PRKX: variants seen among roughly 807,000 people sequenced by gnomAD.
PRKX encodes cAMP-dependent protein kinase catalytic subunit PRKX.
A neutral mutation model predicts 22.0 loss-of-function variants in PRKX; 12 were observed. The observed-to-expected ratio is 0.54, with a 90% CI of 0.35 to 0.88. PRKX has a LOEUF of 0.88. Among genes scored for constraint, PRKX ranks in the 40% least tolerant of loss-of-function variants. The pLI is 0.01. For synonymous variants in PRKX, 134 were observed against 137.7 expected (o/e 0.97, Z 0.19); for missense variants, 217 against 308.0 (o/e 0.70, Z 2.21).
Position 3,607,606 on chromosome X carries a change from C to CT in PRKX, c.*1362dup, listed in dbSNP as rs1384384101. 1.8e-5 allele frequency: 2 copies of CT among 111,086 alleles called. No homozygotes were observed. Among genetic ancestry groups the CT allele is most frequent in the African/African-American group, 6.6e-5 (2 of 30,139 alleles). 9.2% of individuals were successfully genotyped at this position (111,086 alleles called of 1,213,427 possible). A position where few individuals can be genotyped will look rare whatever the true frequency, so the allele number is the denominator to read the frequency against. On this transcript the variant is annotated 3_prime_UTR_variant, in exon 9 of 9. Transcript: ENST00000262848. ...AATTATTCTCACCTACTGAGTTGAC[C>CT]TCCACGTGAAGAAAAGGTCACTGAT...
intron 4 of PRKX, among the ~76,000 whole-genome samples, chrX:3,631,819 G>C (rs1324474212): frequency 8.9e-6 from 1 of 112,723 alleles, no homozygotes; most frequent in African/African-American, 3.2e-5. Context: ...AGGCAGAAAG[G>C]ATCCTTCCCT....
intron 2 of PRKX, among the ~76,000 whole-genome samples, chrX:3,671,100 G>A (rs1338577133): frequency 1.8e-5 from 2 of 110,425 alleles, no homozygotes; most frequent in Admixed American, 9.7e-5. Flanking sequence ...GCAGTGGCAC[G>A]ATCTTGGCTC....
chrX:3,682,154 C>T (rs1928086037), intron 1 of PRKX, among the ~76,000 whole-genome samples: 1 of 110,312 alleles, frequency 9.1e-6, no homozygotes, highest in Non-Finnish European at 1.9e-5. Flanking sequence ...GGGAGAAGGA[C>T]CGTGTCTCAC....
chrX:3,650,520 CA>C (rs748871957), intron 3 of PRKX, among the ~76,000 whole-genome samples: 1 of 37,853 alleles, frequency 2.6e-5, no homozygotes. Context: ...GACTCCTCTC[CA>C]AAAAAAAAAA....
chrX:3,653,251 C>A (rs1177054579), intron 3 of PRKX, among the ~76,000 whole-genome samples: 1 of 110,073 alleles, frequency 9.1e-6, no homozygotes, highest in Non-Finnish European at 1.9e-5. Context: ...AGAGAGCCCC[C>A]TCGCCCCTTC....
chrX:3,658,297 T>C (rs1927523372), intron 2 of PRKX, among the ~76,000 whole-genome samples: 1 of 109,513 alleles, frequency 9.1e-6, no homozygotes, highest in Admixed American at 9.7e-5. Context: ...GGTCTGTTTG[T>C]TTCTGAAACA....
At chrX:3,659,729 G>T (rs112849294) in intron 2 of PRKX, among the ~76,000 whole-genome samples, 1,044 of 32,418 alleles carry the variant, frequency 0.032, 70 homozygotes, top group African/African-American at 0.074. Context: ...TTTTTTTTTT[G>T]TTTTTTTTTT....
intron 1 of PRKX, among the ~76,000 whole-genome samples, chrX:3,691,018 C>T (rs959199965): frequency 2.7e-5 from 3 of 111,339 alleles, no homozygotes; most frequent in Admixed American, 1.9e-4. Context: ...AAATCAGAGA[C>T]GGTAGAGACC....
At position 3,713,553 on chromosome X, in the gene PRKX, G is replaced by C. The variant is rs1928840340; in HGVS notation, c.-300C>G. The C allele has an allele frequency of 2.7e-5, 5 of 187,536 alleles. No homozygotes were observed. Among genetic ancestry groups the C allele is most frequent in the African/African-American group, 6.0e-5 (2 of 33,155 alleles). The allele number at this position is 187,536 out of a possible 1,213,427, so 15.5% of individuals were successfully genotyped here. A position where few individuals can be genotyped will look rare whatever the true frequency, so the allele number is the denominator to read the frequency against. On this transcript the variant is annotated 5_prime_UTR_variant, in exon 1 of 9. Coordinates refer to ENST00000262848, the MANE Select transcript of PRKX (RefSeq NM_005044.5). ...GGGGGCCGCGGCCCGGGCTGGGGGG[G>C]GCGAGGCGGGGGCCCTGCGCATTCC... is the stretch of plus-strand genomic sequence containing the variant.
intron 1 of PRKX, among the ~76,000 whole-genome samples, chrX:3,692,873 G>A (rs190693580): frequency 2.9e-4 from 32 of 111,668 alleles, no homozygotes; most frequent in Middle Eastern, 4.6e-3. Context: ...TGGCTTTAGA[G>A]TTCCTACCAC....
In PRKX at chrX:3,711,032, AT is replaced by A. The variant is rs746618357; in HGVS notation, c.166+2055del. Among the ~76,000 whole-genome samples the A allele has an allele frequency of 4.5e-5, 5 of 111,771 alleles. No individual in the cohort carries two copies. The South Asian group carries it at 1.9e-3, about 42-fold the overall frequency. On this transcript the variant is annotated intron_variant, in intron 1 of 8. Transcript: ENST00000262848. ...GGCTTAGGATTTTATAAAATGTATT[AT>A]TTTAGGTGAATCACACTCAGATTGC...
chrX:3,685,857 GCAACAT>G (rs1363317970), intron 1 of PRKX, among the ~76,000 whole-genome samples: 3 of 112,025 alleles, frequency 2.7e-5, no homozygotes, highest in Middle Eastern at 4.6e-3. Flanking sequence ...ACCAGCCCAG[GCAACAT>G]GGTGAAACCC....
At chrX:3,664,297 C>T (rs756724102) in intron 2 of PRKX, among the ~76,000 whole-genome samples, 3 of 111,923 alleles carry the variant, frequency 2.7e-5, no homozygotes, top group Non-Finnish European at 5.6e-5. Flanking sequence ...AGTGCAGTGG[C>T]GCAACCATAG....
intron 1 of PRKX, among the ~76,000 whole-genome samples, chrX:3,677,541 A>G (rs1305769632): frequency 9.0e-6 from 1 of 110,798 alleles, no homozygotes; most frequent in East Asian, 2.8e-4. Context: ...AGAAGGAAAA[A>G]AAAAGACCAC....
chrX:3,698,729 C>T (rs1487389811), intron 1 of PRKX, among the ~76,000 whole-genome samples: 1 of 109,401 alleles, frequency 9.1e-6, no homozygotes, highest in Non-Finnish European at 1.9e-5. Flanking sequence ...GCTGGGATTA[C>T]AGATGCCCGC....
At chrX:3,690,878 G>A (rs1188383844) in intron 1 of PRKX, among the ~76,000 whole-genome samples, 3 of 112,772 alleles carry the variant, frequency 2.7e-5, no homozygotes, top group African/African-American at 9.6e-5. Context: ...AGCACAGTAT[G>A]TGCAGCTTTC....
intron 1 of PRKX, among the ~76,000 whole-genome samples, chrX:3,690,725 T>C (rs1036945927): frequency 8.9e-6 from 1 of 112,055 alleles, no homozygotes; most frequent in Non-Finnish European, 1.9e-5. Flanking sequence ...AGCGAGACCC[T>C]GTCCCAAAAA....
rs1569229733 is a variant in PRKX at position 3,615,901 on chromosome X, G to GA, written c.874-10dup. On this transcript the variant is annotated splice_polypyrimidine_tract_variant and intron_variant, in intron 6 of 8. Transcript: ENST00000262848. ...ACATCATTCGCCCCGTTCTTCAAAA[G>GA]AAACAACACATGTCGTCAGTGTACA... 8.3e-7 allele frequency: 1 copy of GA among 1,202,307 alleles called. No homozygotes were observed. Among genetic ancestry groups the GA allele is most frequent in the Non-Finnish European group, 1.1e-6 (1 of 888,501 alleles).
At chrX:3,711,464 C>T (rs981991317) in intron 1 of PRKX, among the ~76,000 whole-genome samples, 11 of 112,120 alleles carry the variant, frequency 9.8e-5, no homozygotes, top group Middle Eastern at 4.6e-3. Flanking sequence ...TCACCTCTGC[C>T]GCCCTCCTGC....
Sources: allele counts gnomAD v4.1 joint callset (sites outside exome capture counted in the v4.1 genomes callset), GRCh38; gene constraint gnomAD v4.1.1; transcripts MANE v1.5; gene names NCBI Gene and HGNC (gene_info 2026-07-23, HGNC 2026-07-21).